FOXO3: variants seen among roughly 807,000 people sequenced by gnomAD.
FOXO3 encodes the protein forkhead box protein O3.
FOXO3 carries 4 observed loss-of-function variants against 41.9 expected under a neutral mutation model. The observed-to-expected ratio is 0.10, with a 90% CI of 0.05 to 0.22. The LOEUF (loss-of-function observed/expected upper bound fraction) is 0.22, where lower values mean the gene tolerates loss of function less well. Among genes scored for constraint, FOXO3 ranks in the 10% least tolerant of loss-of-function variants. The probability of loss-of-function intolerance (pLI) is 1.00; values close to 1 mark genes in which losing one functional copy is unlikely to be tolerated. For missense variants in FOXO3, 534 were observed against 906.8 expected (o/e 0.59, Z 5.28); for synonymous variants, 318 against 389.3 (o/e 0.82, Z 2.16).
At chr6:108,585,985 C>T (rs964794446) in intron 1 of FOXO3, among the ~76,000 whole-genome samples, 14 of 152,214 alleles carry the variant, frequency 9.2e-5, no homozygotes, top group Admixed American at 9.2e-4. Context: ...TCCTATCCCA[C>T]TTTCTCAGCC....
chr6:108,570,755 C>T (rs1029211860), intron 1 of FOXO3, among the ~76,000 whole-genome samples: 4 of 152,142 alleles, frequency 2.6e-5, no homozygotes, highest in Non-Finnish European at 5.9e-5. Context: ...GTATTTTTTT[C>T]TCCACACAGC....
At chr6:108,602,429 C>T (rs1035446829) in intron 1 of FOXO3, among the ~76,000 whole-genome samples, 3 of 152,122 alleles carry the variant, frequency 2.0e-5, no homozygotes, top group South Asian at 4.1e-4. Context: ...CCCACTTGGC[C>T]TAAGAAGATC....
chr6:108,619,814 G>A (rs1406728868), intron 1 of FOXO3, among the ~76,000 whole-genome samples: 2 of 152,206 alleles, frequency 1.3e-5, no homozygotes, highest in Non-Finnish European at 2.9e-5. Flanking sequence ...TGTATCTGAA[G>A]TCATGAGGAT....
intron 2 of FOXO3, among the ~76,000 whole-genome samples, chr6:108,669,662 C>T (rs556066755): frequency 1.3e-4 from 20 of 152,092 alleles, no homozygotes; most frequent in African/African-American, 3.9e-4. Context: ...TCGATGAGCG[C>T]GAGAGAAAAT....
At chr6:108,645,449 C>T in intron 1 of FOXO3, among the ~76,000 whole-genome samples, 1 of 150,498 alleles carries the variant, frequency 6.6e-6, no homozygotes. Flanking sequence ...TCTTGAATCC[C>T]CAGAATTGCT....
intron 1 of FOXO3, among the ~76,000 whole-genome samples, chr6:108,654,376 G>A (rs1353303943): frequency 6.6e-6 from 1 of 152,138 alleles, no homozygotes; most frequent in Non-Finnish European, 1.5e-5. Flanking sequence ...GGAGTATAGT[G>A]GTAGTCATCT....
intron 1 of FOXO3, among the ~76,000 whole-genome samples, chr6:108,652,126 C>T (rs750845095): frequency 7.2e-5 from 11 of 152,132 alleles, no homozygotes; most frequent in African/African-American, 1.7e-4. Flanking sequence ...ATTGGCTTGA[C>T]GTAGTCACAG....
Position 108,664,657 on chromosome 6 carries a change from C to A in FOXO3, c.1824C>A (p.Pro608=). ...NLPVMGHEKF[P]SDLDLDMFNG... ...CCGTCATGGGCCATGAGAAGTTCCC[C>A]AGCGACTTGGACCTGGACATGTTCA... Residue 608 remains proline (P), a synonymous_variant, in exon 2 of 3, where the codon CCC becomes CCA. Coordinates refer to ENST00000406360, the MANE Select transcript of FOXO3 (RefSeq NM_001455.4). The A allele has an allele frequency of 1.0e-6, 1 of 1,004,538 alleles. No individual in the cohort carries two copies. Among genetic ancestry groups the A allele is most frequent in the East Asian group, 2.4e-5 (1 of 41,642 alleles). 62.2% of individuals were successfully genotyped at this position (1,004,538 alleles called of 1,614,324 possible).
intron 2 of FOXO3, among the ~76,000 whole-genome samples, chr6:108,670,706 C>G (rs946664587): frequency 6.6e-6 from 1 of 152,114 alleles, no homozygotes; most frequent in Non-Finnish European, 1.5e-5. Context: ...TCTAAGGAAC[C>G]CCCTTAAGAA....
intron 1 of FOXO3, among the ~76,000 whole-genome samples, chr6:108,643,416 C>G (rs549629375): frequency 6.6e-6 from 1 of 152,286 alleles, no homozygotes; most frequent in African/African-American, 2.4e-5. Context: ...CTTGAGGTCA[C>G]GTCAGAGAGG....
intron 1 of FOXO3, among the ~76,000 whole-genome samples, chr6:108,591,341 G>C (rs1480919126): frequency 1.3e-5 from 2 of 152,126 alleles, no homozygotes; most frequent in Non-Finnish European, 2.9e-5. Context: ...ACTAGCAGTC[G>C]TGCATCATTT....
At position 108,653,911 on chromosome 6, in the gene FOXO3, A is replaced by G. The variant is rs1778613938; in HGVS notation, c.622-9544A>G. 2.0e-5 allele frequency among the ~76,000 whole-genome samples: 3 copies of G among 152,194 alleles called. No individual in the cohort carries two copies. In the South Asian group the frequency reaches 6.2e-4, roughly 31 times the overall value. ...TGTGGCTAATTTGAGCATGGTCTTA[A>G]AAGAGAATTTCAGTAGCATGTGTTT... is the stretch of plus-strand genomic sequence containing the variant. On this transcript the variant is annotated intron_variant, in intron 1 of 2. Transcript: ENST00000406360.
At chr6:108,573,889 C>G (rs967162868) in intron 1 of FOXO3, among the ~76,000 whole-genome samples, 4 of 152,098 alleles carry the variant, frequency 2.6e-5, no homozygotes, top group African/African-American at 9.7e-5. Flanking sequence ...CGCGGCGGCT[C>G]ACGCCTGTAA....
intron 1 of FOXO3, among the ~76,000 whole-genome samples, chr6:108,575,116 T>C (rs1250909489): frequency 6.6e-6 from 1 of 152,214 alleles, no homozygotes; most frequent in African/African-American, 2.4e-5. Flanking sequence ...GCTTGTCTCC[T>C]TGAAAACTGG....
At chr6:108,564,338 A>C (rs1335182163) in intron 1 of FOXO3, among the ~76,000 whole-genome samples, 2 of 152,182 alleles carry the variant, frequency 1.3e-5, no homozygotes, top group Non-Finnish European at 2.9e-5. Context: ...GAAAAGGGAG[A>C]GATCAGGAGC....
chr6:108,646,231 C>T (rs1383855706), intron 1 of FOXO3, among the ~76,000 whole-genome samples: 1 of 152,154 alleles, frequency 6.6e-6, no homozygotes, highest in Non-Finnish European at 1.5e-5. Flanking sequence ...CTTCCACTTC[C>T]ATGTCATTCT....
intron 1 of FOXO3, among the ~76,000 whole-genome samples, chr6:108,611,364 T>C (rs1777359344): frequency 6.6e-6 from 1 of 152,228 alleles, no homozygotes. Flanking sequence ...TTTATTCATG[T>C]ATTTGTGATA....
intron 1 of FOXO3, among the ~76,000 whole-genome samples, chr6:108,593,712 CTTTT>C (rs34228633): frequency 1.6e-4 from 13 of 83,340 alleles, no homozygotes; most frequent in Admixed American, 4.4e-4. Context: ...TTTTCTTCTT[CTTTT>C]TTTTTTTTTT....
chr6:108,672,775 C>T (rs530761116), intron 2 of FOXO3, among the ~76,000 whole-genome samples: 1 of 152,282 alleles, frequency 6.6e-6, no homozygotes, highest in African/African-American at 2.4e-5. Context: ...TTCTTTCTCT[C>T]CGTCTCCCTT....
Sources: gnomAD v4.1 joint callset for allele counts (sites outside exome capture counted in the v4.1 genomes callset) on GRCh38, gnomAD v4.1.1 for gene constraint, MANE v1.5 for transcripts, NCBI Gene and HGNC (gene_info 2026-07-23, HGNC 2026-07-21) for gene names.